WDR25: variants seen among roughly 807,000 people sequenced by gnomAD.
WDR25 encodes WD repeat-containing protein 25.
A neutral mutation model predicts 47.7 loss-of-function variants in WDR25; 35 were observed. The observed-to-expected ratio is 0.73, with a 90% confidence interval of 0.56 to 0.97. The LOEUF is 0.97. Ranked by LOEUF, WDR25 falls within the 50% of genes least tolerant of loss-of-function variation. WDR25 has a pLI of 0.00. For missense variants in WDR25, 634 were observed against 704.7 expected (o/e 0.90, Z 1.14); for synonymous variants, 248 against 278.9 (o/e 0.89, Z 1.10).
At chr14:100,450,563 G>A (rs909950161) in intron 2 of WDR25, among the ~76,000 whole-genome samples, 8 of 152,326 alleles carry the variant, frequency 5.3e-5, no homozygotes, top group Admixed American at 2.6e-4. Flanking sequence ...CAAACCCAGC[G>A]AGTGAATGAG....
rs1179740185 is a variant in WDR25 at position 100,392,009 on chromosome 14, A to G, written c.822+10263A>G. On this transcript the variant is annotated intron_variant, in intron 2 of 6. Coordinates refer to ENST00000402312, the MANE Select transcript of WDR25 (RefSeq NM_001161476.3). The surrounding 1 kb of genome is among the most constrained non-coding windows in gnomAD (Gnocchi z 4.2). ...ATTAATGAGATCTGCAAAAATGTAAACAATGCCTTCTTACTAATTTTTCTT... is the reference window on the plus strand; with the variant it reads ...ATTAATGAGATCTGCAAAAATGTAAGCAATGCCTTCTTACTAATTTTTCTT... Among the ~76,000 whole-genome samples the G allele has an allele frequency of 6.6e-6, 1 of 152,220 alleles. No homozygotes were observed. Among genetic ancestry groups the G allele is most frequent in the Non-Finnish European group, 1.5e-5 (1 of 68,038 alleles).
intron 3 of WDR25, among the ~76,000 whole-genome samples, chr14:100,473,630 T>A (rs964165257): frequency 6.6e-6 from 1 of 152,102 alleles, no homozygotes; most frequent in African/African-American, 2.4e-5. Context: ...ATGGCCACGC[T>A]CCAATGACGA....
At chr14:100,390,804 G>A (rs1897127560) in intron 2 of WDR25, among the ~76,000 whole-genome samples, 1 of 152,206 alleles carries the variant, frequency 6.6e-6, no homozygotes, top group African/African-American at 2.4e-5. Flanking sequence ...TCATTTATGC[G>A]TAAAAGTGGC....
chr14:100,416,236 G>A (rs2140202159), intron 2 of WDR25, among the ~76,000 whole-genome samples: 1 of 152,322 alleles, frequency 6.6e-6, no homozygotes, highest in Middle Eastern at 3.4e-3. Flanking sequence ...GTTGTTTTAA[G>A]AGTAAGAGGC....
intron 1 of WDR25, among the ~76,000 whole-genome samples, chr14:100,379,354 C>CTGTAGGCAT (rs1362726372): frequency 1.1e-4 from 16 of 150,746 alleles, no homozygotes; most frequent in Non-Finnish European, 2.4e-4. Flanking sequence ...GTCTCTTTCT[C>CTGTAGGCAT]TGTAGGCATT....
Position 100,440,453 on chromosome 14 carries a change from G to A in WDR25, c.823-27568G>A, listed in dbSNP as rs1216436024. 6.6e-6 allele frequency among the ~76,000 whole-genome samples: 1 copy of A among 152,226 alleles called. No homozygotes were observed. The highest frequency in any genetic ancestry group is 6.5e-5 in the Admixed American group (1 of 15,292). ...GGCTGTTTACAGGCGGATAGAAAGG[G>A]CTGTAGGATGGGACCCTCAAGGTTT... On this transcript the variant is annotated intron_variant, in intron 2 of 6. Coordinates refer to ENST00000402312, the MANE Select transcript of WDR25 (RefSeq NM_001161476.3). The surrounding 1 kb of genome is among the most constrained non-coding windows in gnomAD (Gnocchi z 4.4).
intron 2 of WDR25, among the ~76,000 whole-genome samples, chr14:100,401,454 A>G (rs1897379812): frequency 6.6e-6 from 1 of 152,088 alleles, no homozygotes; most frequent in Admixed American, 6.5e-5. Context: ...CTTCCTTGGC[A>G]GGGGTGGCCC....
intron 2 of WDR25, among the ~76,000 whole-genome samples, chr14:100,417,452 C>T (rs1897900644): frequency 6.6e-6 from 1 of 152,188 alleles, no homozygotes; most frequent in Non-Finnish European, 1.5e-5. Flanking sequence ...TTTCCCATGA[C>T]CTAGGTGCCC....
chr14:100,415,972 T>C (rs1481411970), intron 2 of WDR25, among the ~76,000 whole-genome samples: 1 of 152,120 alleles, frequency 6.6e-6, no homozygotes, highest in Non-Finnish European at 1.5e-5. Context: ...TGTCCTTCTT[T>C]TCTTCTGCAT....
At position 100,500,605 on chromosome 14, in the gene WDR25, G is replaced by T. The variant is rs115697123; in HGVS notation, c.1101+16481G>T. On this transcript the variant is annotated intron_variant, in intron 4 of 6. Transcript: ENST00000402312. This position sits in a 1 kb window ranked among gnomAD's most constrained non-coding sequence, Gnocchi z 4.7. ...GCTAGGCAGGGCCTGGGGTTTTGGG[G>T]CCCCCCACAGTTTTGACGCTGGCTC... 6.6e-6 allele frequency among the ~76,000 whole-genome samples: 1 copy of T among 152,128 alleles called. No homozygotes were observed. The highest frequency in any genetic ancestry group is 1.5e-5 in the Non-Finnish European group (1 of 68,022).
At chr14:100,512,879 C>G (rs1020897620) in intron 4 of WDR25, among the ~76,000 whole-genome samples, 2 of 152,214 alleles carry the variant, frequency 1.3e-5, no homozygotes, top group African/African-American at 4.8e-5. Flanking sequence ...GTTCCAAACA[C>G]TTGGGAACTT....
At chr14:100,512,877 C>A (rs1901354051) in intron 4 of WDR25, among the ~76,000 whole-genome samples, 1 of 152,192 alleles carries the variant, frequency 6.6e-6, no homozygotes, top group Non-Finnish European at 1.5e-5. Flanking sequence ...AGGTTCCAAA[C>A]ACTTGGGAAC....
chr14:100,457,975 G>A (rs12882382), intron 2 of WDR25, among the ~76,000 whole-genome samples: 33,990 of 152,078 alleles, frequency 0.22, 3,956 homozygotes, highest in African/African-American at 0.26. Flanking sequence ...GATATTCAAT[G>A]CAAAAGAAGG....
At chr14:100,485,596 G>A (rs1325796808) in intron 4 of WDR25, among the ~76,000 whole-genome samples, 1 of 152,234 alleles carries the variant, frequency 6.6e-6, no homozygotes, top group South Asian at 2.1e-4. Context: ...TTTCAACGCT[G>A]TGTGTCTTGG....
At chr14:100,517,325 C>T (rs1901538958) in intron 4 of WDR25, among the ~76,000 whole-genome samples, 1 of 151,870 alleles carries the variant, frequency 6.6e-6, no homozygotes, top group Admixed American at 6.6e-5. Flanking sequence ...GATCCACCCG[C>T]CTCGGCCTCC....
intron 4 of WDR25, among the ~76,000 whole-genome samples, chr14:100,521,093 C>T (rs1023374990): frequency 1.3e-5 from 2 of 152,056 alleles, no homozygotes; most frequent in African/African-American, 4.8e-5. Context: ...CTTATCTTGC[C>T]TGTGACCTGT....
chr14:100,377,070 C>T (rs923857370), intron 1 of WDR25, among the ~76,000 whole-genome samples: 2 of 152,194 alleles, frequency 1.3e-5, no homozygotes, highest in African/African-American at 2.4e-5. Context: ...CGTTTAATCC[C>T]TCATCTCCTT....
rs1177352477 is a variant in WDR25, at chr14:100,502,224, G to T, written c.1101+18100G>T. 3.3e-5 allele frequency among the ~76,000 whole-genome samples: 5 copies of T among 152,166 alleles called. No individual in the cohort carries two copies. Among genetic ancestry groups the T allele is most frequent in the Non-Finnish European group, 5.9e-5 (4 of 68,016 alleles). On this transcript the variant is annotated intron_variant, in intron 4 of 6. Coordinates refer to ENST00000402312, the MANE Select transcript of WDR25 (RefSeq NM_001161476.3). The surrounding 1 kb of genome is among the most constrained non-coding windows in gnomAD (Gnocchi z 4.5). ...GTGGTGGCCCTTGCCCTCCCACTCA[G>T]CTCTGAGCCTGATGTCATCCACCTC...
At chr14:100,396,906 C>T (rs1230512082) in intron 2 of WDR25, among the ~76,000 whole-genome samples, 1 of 152,200 alleles carries the variant, frequency 6.6e-6, no homozygotes, top group East Asian at 1.9e-4. Context: ...GTGGTTTTGG[C>T]CAGGGACCTT....
Sources: gnomAD v4.1 joint callset for allele counts (sites outside exome capture counted in the v4.1 genomes callset) on GRCh38, gnomAD v4.1.1 for gene constraint, Gnocchi (gnomAD v3.1) non-coding constraint, MANE v1.5 for transcripts, NCBI Gene and HGNC (gene_info 2026-07-23, HGNC 2026-07-21) for gene names.